The following CNTN5 variants were observed in gnomAD, a reference collection of about 807,000 sequenced individuals.
The protein encoded by CNTN5 is contactin-5.
A neutral mutation model predicts 129.1 loss-of-function variants in CNTN5; 77 were observed. The observed-to-expected ratio is 0.60, with a 90% CI of 0.50 to 0.72. CNTN5 has a LOEUF of 0.72. CNTN5 is among the 30% of genes least tolerant of loss of function. CNTN5 has a pLI of 0.00. For missense variants in CNTN5, 1,478 were observed against 1,328.8 expected (o/e 1.11, Z -1.75); for synonymous variants, 509 against 465.6 (o/e 1.09, Z -1.20).
chr11:99,955,191 A>G (rs1274157069), intron 7 of CNTN5, among the ~76,000 whole-genome samples: 1 of 151,106 alleles, frequency 6.6e-6, no homozygotes, highest in East Asian at 1.9e-4. Context: ...AAAATATATG[A>G]ATTATGTGTG....
At position 99,961,219 on chromosome 11, in the gene CNTN5, A is replaced by AAAAC. The variant is rs1555167382; in HGVS notation, c.877+4213_877+4214insCAAA. ...GACTCCGTCTCAGAAAAAAAAAAAA[A>AAAAC]AAAAAACAGTAGAATATAGTGTCAA... is the stretch of plus-strand genomic sequence containing the variant. On this transcript the variant is annotated intron_variant, in intron 8 of 24. Coordinates refer to ENST00000524871, the MANE Select transcript of CNTN5 (RefSeq NM_014361.4). Among the ~76,000 whole-genome samples, 482 of 145,798 alleles carry AAAAC rather than the reference A, an allele frequency of 3.3e-3. 8 individuals are homozygous for AAAAC. Among genetic ancestry groups the AAAAC allele is most frequent in the Middle Eastern group, 0.011 (3 of 280 alleles).
intron 21 of CNTN5, among the ~76,000 whole-genome samples, chr11:100,334,435 T>TGGGTAGA (rs1325918516): frequency 6.6e-6 from 1 of 152,154 alleles, no homozygotes; most frequent in Non-Finnish European, 1.5e-5. Flanking sequence ...ACTAGGTATC[T>TGGGTAGA]ACCCAGAGGA....
At chr11:99,539,400 C>T (rs11220366) in intron 2 of CNTN5, among the ~76,000 whole-genome samples, 12,604 of 151,920 alleles carry the variant, frequency 0.083, 608 homozygotes, top group African/African-American at 0.12. Flanking sequence ...CCCAAATTAT[C>T]GTTTTATTGT....
At chr11:100,023,741 T>A (rs551489618) in intron 9 of CNTN5, among the ~76,000 whole-genome samples, 2 of 152,332 alleles carry the variant, frequency 1.3e-5, no homozygotes, top group South Asian at 4.1e-4. Context: ...GAATATCATA[T>A]GACTGAAACC....
chr11:99,585,231 T>G (rs1283609784), intron 3 of CNTN5, among the ~76,000 whole-genome samples: 1 of 152,218 alleles, frequency 6.6e-6, no homozygotes, highest in Non-Finnish European at 1.5e-5. Flanking sequence ...TTTAAGAAAC[T>G]TGAGTTTTGG....
intron 1 of CNTN5, among the ~76,000 whole-genome samples, chr11:99,111,745 A>C (rs1400104368): frequency 6.6e-6 from 1 of 152,038 alleles, no homozygotes; most frequent in Non-Finnish European, 1.5e-5. Context: ...AAATAGGAAA[A>C]GTGTACTAGC....
intron 1 of CNTN5, among the ~76,000 whole-genome samples, chr11:99,249,063 G>T (rs977882588): frequency 6.6e-6 from 1 of 152,088 alleles, no homozygotes; most frequent in Non-Finnish European, 1.5e-5. Flanking sequence ...GGGCAGTATG[G>T]CCATTTTCAT....
chr11:99,784,196 C>T (rs894518415), intron 3 of CNTN5, among the ~76,000 whole-genome samples: 2 of 152,026 alleles, frequency 1.3e-5, no homozygotes, highest in Admixed American at 1.3e-4. Flanking sequence ...GCAGAATGCG[C>T]AGGTTTGTTA....
At chr11:99,706,095 T>C (rs1313697535) in intron 3 of CNTN5, among the ~76,000 whole-genome samples, 3 of 151,458 alleles carry the variant, frequency 2.0e-5, no homozygotes, top group Non-Finnish European at 4.4e-5. Flanking sequence ...AGAGTAATGA[T>C]AATAGCAAAG....
intron 1 of CNTN5, among the ~76,000 whole-genome samples, chr11:99,056,914 C>G (rs1389560766): frequency 6.6e-6 from 1 of 151,902 alleles, no homozygotes; most frequent in Admixed American, 6.6e-5. Flanking sequence ...TTGAATGTAA[C>G]TTTTCTTTTA....
intron 10 of CNTN5, among the ~76,000 whole-genome samples, chr11:100,066,141 A>T (rs912803599): frequency 1.5e-4 from 23 of 152,120 alleles, no homozygotes; most frequent in Non-Finnish European, 3.4e-4. Flanking sequence ...ATTATCTTCT[A>T]TCATCATGGT....
At chr11:99,928,193 C>G (rs1950107605) in intron 7 of CNTN5, among the ~76,000 whole-genome samples, 1 of 152,186 alleles carries the variant, frequency 6.6e-6, no homozygotes. Flanking sequence ...TACAGATTTG[C>G]AGGGTACAGC....
chr11:99,225,876 CAA>C (rs1252382475), intron 1 of CNTN5, among the ~76,000 whole-genome samples: 1 of 152,026 alleles, frequency 6.6e-6, no homozygotes, highest in Non-Finnish European at 1.5e-5. Flanking sequence ...GATAAGGATG[CAA>C]AGTCTTTGTT....
At chr11:100,191,290 C>G (rs1337566646) in intron 14 of CNTN5, 37 bp downstream of exon 14, 1 of 1,566,096 alleles carries the variant, frequency 6.4e-7, no homozygotes, top group African/African-American at 1.4e-5. Context: ...CAAGCATAGT[C>G]TCATGGTCTT....
intron 13 of CNTN5, among the ~76,000 whole-genome samples, chr11:100,152,904 C>T (rs1043123020): frequency 2.0e-5 from 3 of 152,064 alleles, no homozygotes; most frequent in Admixed American, 2.0e-4. Flanking sequence ...AGGGTGAGAG[C>T]CAGGATCTGC....
chr11:99,877,999 C>G (rs567185789), intron 6 of CNTN5, among the ~76,000 whole-genome samples: 2 of 152,302 alleles, frequency 1.3e-5, no homozygotes, highest in East Asian at 1.9e-4. Context: ...TCAATACAGT[C>G]TGCCTTAATT....
At chr11:99,868,454 T>C (rs1363899339) in intron 6 of CNTN5, among the ~76,000 whole-genome samples, 1 of 152,162 alleles carries the variant, frequency 6.6e-6, no homozygotes, top group East Asian at 1.9e-4. Flanking sequence ...TAAAGATAAA[T>C]AGGCTAAGGC....
In CNTN5 at chr11:100,357,372, C is replaced by G. The variant is rs1186526515; in HGVS notation, c.*1152C>G. On this transcript the variant is annotated 3_prime_UTR_variant, in exon 25 of 25. Coordinates refer to ENST00000524871, the MANE Select transcript of CNTN5 (RefSeq NM_014361.4). ...GCATCAGTACAGGGATTCAGCTAGTCTAGCCAGCTATGCACTGTTTGATTC... is the reference window on the plus strand; with the variant it reads ...GCATCAGTACAGGGATTCAGCTAGTGTAGCCAGCTATGCACTGTTTGATTC... 6.6e-6 allele frequency: 1 copy of G among 151,736 alleles called. No homozygotes were observed. The highest frequency in any genetic ancestry group is 1.5e-5 in the Non-Finnish European group (1 of 67,802). The allele number at this position is 151,736 out of a possible 1,614,324, so 9.4% of individuals were successfully genotyped here.
intron 6 of CNTN5, among the ~76,000 whole-genome samples, chr11:99,907,534 G>A (rs1949541576): frequency 6.6e-6 from 1 of 151,650 alleles, no homozygotes; most frequent in Non-Finnish European, 1.5e-5. Context: ...GTTACGTCTT[G>A]TAATACAAAG....
Sources: allele counts gnomAD v4.1 joint callset (sites outside exome capture counted in the v4.1 genomes callset), GRCh38; gene constraint gnomAD v4.1.1; transcripts MANE v1.5; gene names NCBI Gene and HGNC (gene_info 2026-07-23, HGNC 2026-07-21).